KLRG1: variants seen among roughly 807,000 people sequenced by gnomAD.
KLRG1 encodes the protein killer cell lectin-like receptor subfamily G member 1.
Under a neutral mutation model 21.8 loss-of-function variants are expected in KLRG1, and 16 were observed. The observed-to-expected ratio is 0.73, with a 90% confidence interval of 0.50 to 1.11. The LOEUF is 1.11. Ranked by LOEUF, KLRG1 falls within the 50% of genes most tolerant of loss-of-function variation. KLRG1 has a pLI of 0.00. For synonymous variants in KLRG1, 69 were observed against 75.9 expected, an observed-to-expected ratio of 0.91 and a Z score of 0.47; for missense variants, 173 against 218.3, an observed-to-expected ratio of 0.79 and a Z score of 1.31.
At chr12:9,173,430 A>G in the KLRG1 span, among the ~76,000 whole-genome samples, 3 of 152,192 alleles carry the variant, frequency 2.0e-5, no homozygotes, top group Non-Finnish European at 1.5e-5. Flanking sequence ...AACCAAGAGC[A>G]TACAAACCCC....
the KLRG1 span, chr12:9,196,398 T>A: frequency 6.2e-7 from 1 of 1,613,864 alleles, no homozygotes; most frequent in Non-Finnish European, 8.5e-7. Flanking sequence ...TTGGATACAA[T>A]GTTTGTGATT....
At chr12:9,095,752 T>G in the KLRG1 span, 1,549 of 1,414,146 alleles carry the variant, frequency 1.1e-3, 16 homozygotes, top group South Asian at 0.012. Flanking sequence ...CTTTTTTTTT[T>G]TTTTTTTTTT....
chr12:9,158,451 C>T, the KLRG1 span: 1 of 1,614,144 alleles, frequency 6.2e-7, no homozygotes, highest in Non-Finnish European at 8.5e-7. Flanking sequence ...TGACCCAGAG[C>T]TCCTGAAACA....
the KLRG1 span, among the ~76,000 whole-genome samples, chr12:9,108,017 A>T: frequency 6.6e-6 from 1 of 152,206 alleles, no homozygotes; most frequent in Non-Finnish European, 1.5e-5. Flanking sequence ...TCTACCTAGG[A>T]ATACAAACTA....
chr12:9,162,367 C>A, the KLRG1 span: 1 of 478,670 alleles, frequency 2.1e-6, no homozygotes, highest in Non-Finnish European at 3.7e-6. Flanking sequence ...TACGTATGAA[C>A]CAAGAAAGCC....
At chr12:9,038,580 C>T in the KLRG1 span, among the ~76,000 whole-genome samples, 6 of 152,050 alleles carry the variant, frequency 3.9e-5, no homozygotes, top group Non-Finnish European at 8.8e-5. Flanking sequence ...GCAAAGTTGA[C>T]ACATGAAAAA....
chr12:9,139,903 G>A, the KLRG1 span, among the ~76,000 whole-genome samples: 13 of 152,194 alleles, frequency 8.5e-5, no homozygotes, highest in African/African-American at 2.9e-4. Flanking sequence ...AAGGGTTTTA[G>A]GGTAAGAGAG....
At chr12:9,079,364 G>A in the KLRG1 span, 1 of 1,551,458 alleles carries the variant, frequency 6.4e-7, no homozygotes, top group South Asian at 1.1e-5. Context: ...CAGCACAATG[G>A]ATTAATGTGC....
the KLRG1 span, chr12:9,111,524 AT>A: frequency 6.6e-6 from 3 of 456,412 alleles, no homozygotes; most frequent in East Asian, 2.1e-4. Context: ...GTCTGAATAT[AT>A]TTTAAGCCAA....
chr12:9,058,883 A>G, the KLRG1 span: 3 of 152,802 alleles, frequency 2.0e-5, no homozygotes. Flanking sequence ...CAAGCTAAGG[A>G]AAATAAGAGA....
chr12:9,158,510 G>C, the KLRG1 span: 1 of 1,614,138 alleles, frequency 6.2e-7, no homozygotes, highest in Non-Finnish European at 8.5e-7. Flanking sequence ...ATTGGGTAAT[G>C]TGTGCTTCAT....
intron 1 of KLRG1, among the ~76,000 whole-genome samples, chr12:8,960,607 A>T (rs1946366350): frequency 6.6e-6 from 1 of 152,100 alleles, no homozygotes; most frequent in African/African-American, 2.4e-5. Flanking sequence ...GGATCCATGG[A>T]TTGTTCACAT....
the KLRG1 span, among the ~76,000 whole-genome samples, chr12:9,052,325 G>A: frequency 6.6e-6 from 1 of 152,146 alleles, no homozygotes; most frequent in South Asian, 2.1e-4. Flanking sequence ...AAGTTTTGTA[G>A]GTGTTACCTT....
the KLRG1 span, chr12:9,156,281 G>T: frequency 6.1e-5 from 13 of 212,624 alleles, no homozygotes; most frequent in Non-Finnish European, 1.3e-4. Context: ...TTCAGTGAAG[G>T]CATCTCCACC....
At chr12:8,972,279 T>G (rs1466569165) in intron 1 of KLRG1, among the ~76,000 whole-genome samples, 1 of 152,152 alleles carries the variant, frequency 6.6e-6, no homozygotes, top group African/African-American at 2.4e-5. Context: ...TGCCTCAGCC[T>G]CCCGAGTAGC....
intron 1 of KLRG1, among the ~76,000 whole-genome samples, chr12:8,964,136 A>C (rs1489398645): frequency 6.6e-6 from 1 of 152,060 alleles, no homozygotes; most frequent in Admixed American, 6.6e-5. Context: ...TTAGGGTGTC[A>C]ATTTTAGATC....
the KLRG1 span, chr12:9,202,717 ACTG>A: frequency 1.1e-5 from 17 of 1,597,856 alleles, no homozygotes; most frequent in Non-Finnish European, 1.5e-5. Context: ...CTACTGAGGA[ACTG>A]TGCAGTCTTC....
At chr12:9,215,033 C>T in the KLRG1 span, among the ~76,000 whole-genome samples, 1 of 151,736 alleles carries the variant, frequency 6.6e-6, no homozygotes, top group Non-Finnish European at 1.5e-5. Flanking sequence ...AATTTTTTTC[C>T]CTCTCATTCC....
intron 3 of KLRG1, among the ~76,000 whole-genome samples, chr12:9,005,106 A>G (rs1428137633): frequency 6.6e-6 from 1 of 152,168 alleles, no homozygotes; most frequent in East Asian, 1.9e-4. Flanking sequence ...ACACAAGAAC[A>G]GAAAACCAAA....
Sources: allele counts gnomAD v4.1 joint callset (sites outside exome capture counted in the v4.1 genomes callset), GRCh38; gene constraint gnomAD v4.1.1; transcripts MANE v1.5; gene names NCBI Gene and HGNC (gene_info 2026-07-23, HGNC 2026-07-21).